Variants in AUTS2 observed in about 807,000 individuals in gnomAD.
AUTS2 encodes the protein activator of transcription and developmental regulator AUTS2.
Under a neutral mutation model 112.4 loss-of-function variants are expected in AUTS2, and 17 were observed. The observed-to-expected ratio is 0.15, with a 90% CI of 0.10 to 0.23. The LOEUF (loss-of-function observed/expected upper bound fraction) is 0.23, where lower values mean the gene tolerates loss of function less well. AUTS2 is among the 10% of genes least tolerant of loss of function. AUTS2 has a pLI of 1.00. For synonymous variants in AUTS2, 751 were observed against 702.7 expected (o/e 1.07, Z -1.09); for missense variants, 1,510 against 1,701.6 (o/e 0.89, Z 1.98).
intron 5 of AUTS2, among the ~76,000 whole-genome samples, chr7:70,509,883 A>G (rs2116757330): frequency 6.6e-6 from 1 of 152,282 alleles, no homozygotes; most frequent in East Asian, 1.9e-4. Flanking sequence ...TCTAGTGTGG[A>G]AGAAACACCC....
chr7:70,764,894 C>T lies in AUTS2; in HGVS notation c.1357C>T (p.His453Tyr). 2.5e-6 allele frequency: 4 copies of T among 1,606,914 alleles called. No individual in the cohort carries two copies. Among genetic ancestry groups the T allele is most frequent in the South Asian group, 1.1e-5 (1 of 90,676 alleles). Residue 453 changes from histidine (H) to tyrosine (Y), a missense_variant, in exon 8 of 19, where the codon CAC (histidine) becomes TAC (tyrosine). By Grantham distance (83) the His-to-Tyr change is moderately conservative. Coordinates refer to ENST00000342771, the MANE Select transcript of AUTS2 (RefSeq NM_015570.4). ...CACACCCACCCTCCAGCCCCCCGCA[C>T]ACTCACATCACCCCAATATGTTTGC... ...SFTPTLQPPAHSHHPNMFAPP... is the reference protein window; with the variant it reads ...SFTPTLQPPAYSHHPNMFAPP...
At chr7:70,134,495 C>T (rs533056502) in intron 3 of AUTS2, 41 bp from the exon 4 acceptor site, 1 of 1,600,128 alleles carries the variant, frequency 6.2e-7, no homozygotes, top group African/African-American at 1.3e-5. Flanking sequence ...TGTTAAAAAC[C>T]ATTGCTGATT....
intron 9 of AUTS2, 98 bp from the exon 10 acceptor site, chr7:70,767,926 C>T (rs1377174849): frequency 8.4e-7 from 1 of 1,184,448 alleles, no homozygotes; most frequent in Non-Finnish European, 1.2e-6. Context: ...GGTCTCATGA[C>T]AGCTTAATGA....
intron 1 of AUTS2, among the ~76,000 whole-genome samples, chr7:69,634,737 A>G (rs1794437865): frequency 6.6e-6 from 1 of 152,112 alleles, no homozygotes; most frequent in Admixed American, 6.5e-5. Flanking sequence ...GGTCACTCCT[A>G]CTCCCATTGG....
At chr7:70,673,358 CT>C (rs1039292710) in intron 5 of AUTS2, among the ~76,000 whole-genome samples, 2 of 131,682 alleles carry the variant, frequency 1.5e-5, no homozygotes, top group East Asian at 2.3e-4. Flanking sequence ...ACTTGATTGT[CT>C]TTTTTTTTCT....
At chr7:70,730,449 A>T (rs1787314998) in intron 6 of AUTS2, among the ~76,000 whole-genome samples, 1 of 152,036 alleles carries the variant, frequency 6.6e-6, no homozygotes, top group African/African-American at 2.4e-5. Flanking sequence ...GCAGCCACTA[A>T]TCTGCTTTCT....
chr7:70,551,523 T>C (rs903052912), intron 5 of AUTS2, among the ~76,000 whole-genome samples: 3 of 152,174 alleles, frequency 2.0e-5, no homozygotes, highest in African/African-American at 7.2e-5. Context: ...TAGGGGGGCA[T>C]TCCTATAGAA....
At chr7:69,726,277 A>G (rs1038632938) in intron 1 of AUTS2, among the ~76,000 whole-genome samples, 5 of 152,078 alleles carry the variant, frequency 3.3e-5, no homozygotes, top group South Asian at 2.1e-4. Flanking sequence ...CTTGAATTTC[A>G]TGTGAATGGA....
At chr7:70,453,516 A>G (rs1483253069) in intron 5 of AUTS2, among the ~76,000 whole-genome samples, 1 of 152,260 alleles carries the variant, frequency 6.6e-6, no homozygotes, top group Non-Finnish European at 1.5e-5. Context: ...TTGGCGGCTT[A>G]AAACAGTAGA....
Position 69,943,131 on chromosome 7 carries a change from C to T in AUTS2, c.522+43633C>T, listed in dbSNP as rs992086984. Among the ~76,000 whole-genome samples the T allele has an allele frequency of 1.1e-4, 16 of 152,264 alleles. No individual in the cohort carries two copies. The East Asian group carries it at 1.4e-3, about 13-fold the overall frequency. ...ACACAGAGCATGCATATGCCTCATGCATATTCATGAGCTTTAAATGTGCTT... is the reference window on the plus strand; with the variant it reads ...ACACAGAGCATGCATATGCCTCATGTATATTCATGAGCTTTAAATGTGCTT... On this transcript the variant is annotated intron_variant, in intron 2 of 18. Transcript: ENST00000342771.
At chr7:70,015,893 A>G (rs1800007975) in intron 2 of AUTS2, among the ~76,000 whole-genome samples, 1 of 150,148 alleles carries the variant, frequency 6.7e-6, no homozygotes, top group Admixed American at 6.7e-5. Context: ...TGTGCCTTGC[A>G]GGGCTGCATT....
chr7:70,560,292 A>G (rs550205697), intron 5 of AUTS2, among the ~76,000 whole-genome samples: 1 of 152,292 alleles, frequency 6.6e-6, no homozygotes, highest in East Asian at 1.9e-4. Flanking sequence ...ATTTAGACAG[A>G]CACACCCACA....
intron 4 of AUTS2, among the ~76,000 whole-genome samples, chr7:70,384,845 G>A (rs1793536306): frequency 6.6e-6 from 1 of 152,200 alleles, no homozygotes; most frequent in Non-Finnish European, 1.5e-5. Flanking sequence ...CCTCCAGTAG[G>A]AGAATGAGAT....
At chr7:69,943,668 T>G (rs920494183) in intron 2 of AUTS2, among the ~76,000 whole-genome samples, 1 of 152,186 alleles carries the variant, frequency 6.6e-6, no homozygotes, top group Non-Finnish European at 1.5e-5. Flanking sequence ...ACATCTTCAT[T>G]TGGGATTTGA....
At chr7:70,525,761 A>C (rs1799814255) in intron 5 of AUTS2, among the ~76,000 whole-genome samples, 1 of 152,236 alleles carries the variant, frequency 6.6e-6, no homozygotes, top group African/African-American at 2.4e-5. Context: ...CTTGTGGAGA[A>C]GATGAACACT....
intron 4 of AUTS2, among the ~76,000 whole-genome samples, chr7:70,183,612 A>G (rs902553511): frequency 6.6e-6 from 1 of 152,208 alleles, no homozygotes; most frequent in South Asian, 2.1e-4. Flanking sequence ...GACGCTAACC[A>G]CGGGGAGCTG....
At chr7:70,241,630 T>G (rs921999592) in intron 4 of AUTS2, among the ~76,000 whole-genome samples, 1 of 152,148 alleles carries the variant, frequency 6.6e-6, no homozygotes, top group Non-Finnish European at 1.5e-5. Flanking sequence ...GAGAGAAGCA[T>G]GAATTCCTTA....
intron 2 of AUTS2, among the ~76,000 whole-genome samples, chr7:70,106,558 A>C (rs1190020037): frequency 1.3e-5 from 2 of 152,140 alleles, no homozygotes; most frequent in African/African-American, 4.8e-5. Context: ...TGTCTCTCAA[A>C]AAAATGTAGA....
intron 4 of AUTS2, among the ~76,000 whole-genome samples, chr7:70,252,431 A>AT (rs1263903950): frequency 6.6e-6 from 1 of 152,026 alleles, no homozygotes; most frequent in African/African-American, 2.4e-5. Context: ...CCCTTTGCCC[A>AT]TTTTTTGACT....
Sources: gnomAD v4.1 joint callset for allele counts (sites outside exome capture counted in the v4.1 genomes callset) on GRCh38, gnomAD v4.1.1 for gene constraint, MANE v1.5 for transcripts, NCBI Gene and HGNC (gene_info 2026-07-23, HGNC 2026-07-21) for gene names.